BTRC: variants seen among roughly 807,000 people sequenced by gnomAD.
The protein encoded by BTRC is beta-transducin repeat containing E3 ubiquitin protein ligase.
BTRC carries 42 observed loss-of-function variants against 85.5 expected under a neutral mutation model. The observed-to-expected ratio is 0.49, with a 90% confidence interval of 0.38 to 0.64. The LOEUF (loss-of-function observed/expected upper bound fraction) is 0.64. Ranked by LOEUF, BTRC falls within the 30% of genes least tolerant of loss-of-function variation. The pLI, the probability that BTRC is intolerant of heterozygous loss-of-function variation, is 0.00. For missense variants in BTRC, 594 were observed against 743.5 expected, an observed-to-expected ratio of 0.80 and a Z score of 2.34; for synonymous variants, 255 against 263.3, an observed-to-expected ratio of 0.97 and a Z score of 0.30.
intron 1 of BTRC, among the ~76,000 whole-genome samples, chr10:101,424,310 A>G (rs112173179): frequency 1.3e-5 from 2 of 152,204 alleles, no homozygotes; most frequent in African/African-American, 2.4e-5. Context: ...TGATTATCCT[A>G]TCTGACAGGT....
chr10:101,494,461 G>A (rs953450847), intron 4 of BTRC, among the ~76,000 whole-genome samples: 5 of 152,138 alleles, frequency 3.3e-5, no homozygotes, highest in African/African-American at 9.7e-5. Flanking sequence ...AAGTTGATAG[G>A]AAATGTTTGC....
intron 3 of BTRC, among the ~76,000 whole-genome samples, chr10:101,475,241 C>G (rs555387088): frequency 9.4e-4 from 143 of 152,202 alleles, no homozygotes; most frequent in Non-Finnish European, 1.9e-3. Flanking sequence ...AAGGTTTAGC[C>G]TGTTTAAAAG....
chr10:101,537,405 G>GT (rs1295549251), intron 12 of BTRC, among the ~76,000 whole-genome samples: 1 of 152,182 alleles, frequency 6.6e-6, no homozygotes, highest in Non-Finnish European at 1.5e-5. Context: ...GCGGGCGCCT[G>GT]TAATCCCAGC....
chr10:101,380,791 T>A (rs1463116654), intron 1 of BTRC, among the ~76,000 whole-genome samples: 1 of 152,216 alleles, frequency 6.6e-6, no homozygotes, highest in Non-Finnish European at 1.5e-5. Flanking sequence ...TGCTTAACAA[T>A]ATGTGATACA....
At chr10:101,510,971 C>G (rs779854367) in intron 4 of BTRC, among the ~76,000 whole-genome samples, 9 of 152,150 alleles carry the variant, frequency 5.9e-5, no homozygotes, top group Non-Finnish European at 1.3e-4. Context: ...GCAACTTGCT[C>G]TTATTATCCC....
At chr10:101,484,012 T>C (rs1343838235) in intron 4 of BTRC, among the ~76,000 whole-genome samples, 2 of 152,234 alleles carry the variant, frequency 1.3e-5, no homozygotes, top group East Asian at 3.8e-4. Context: ...CACAAATACA[T>C]GCAGTTAAAA....
intron 1 of BTRC, among the ~76,000 whole-genome samples, chr10:101,407,403 G>A (rs898587125): frequency 1.3e-5 from 2 of 152,136 alleles, no homozygotes; most frequent in African/African-American, 4.8e-5. Context: ...TTAACACACC[G>A]TAATTTTTTA....
intron 1 of BTRC, among the ~76,000 whole-genome samples, chr10:101,366,780 A>T (rs12219114): frequency 2.9e-5 from 3 of 103,290 alleles, no homozygotes; most frequent in Non-Finnish European, 3.8e-5. Context: ...ATATATATAT[A>T]TATATATATT....
chr10:101,396,909 TCTC>T (rs1943378863), intron 1 of BTRC, among the ~76,000 whole-genome samples: 1 of 151,894 alleles, frequency 6.6e-6, no homozygotes, highest in East Asian at 1.9e-4. Context: ...TTCAAGCAAT[TCTC>T]CTGCCTCAGC....
At chr10:101,375,984 C>G (rs1942781279) in intron 1 of BTRC, among the ~76,000 whole-genome samples, 1 of 152,120 alleles carries the variant, frequency 6.6e-6, no homozygotes, top group African/African-American at 2.4e-5. Context: ...AAGGTGAGGC[C>G]TTGTACTTGG....
intron 4 of BTRC, among the ~76,000 whole-genome samples, chr10:101,491,628 C>T (rs1946135715): frequency 6.6e-6 from 1 of 151,496 alleles, no homozygotes; most frequent in Admixed American, 6.6e-5. Flanking sequence ...ACCCAGGAGG[C>T]GGAGGTTGCA....
At chr10:101,515,565 G>T (rs1175128169) in intron 4 of BTRC, among the ~76,000 whole-genome samples, 1 of 150,096 alleles carries the variant, frequency 6.7e-6, no homozygotes, top group Non-Finnish European at 1.5e-5. Flanking sequence ...AGGCTAGAGT[G>T]CAGTGGCGTG....
chr10:101,473,307 T>C (rs939135039), intron 3 of BTRC, among the ~76,000 whole-genome samples: 2 of 151,722 alleles, frequency 1.3e-5, no homozygotes, highest in Admixed American at 6.6e-5. Flanking sequence ...TTTTTTGAGA[T>C]AGGGTCTCAC....
chr10:101,488,010 C>T (rs192153141), intron 4 of BTRC, among the ~76,000 whole-genome samples: 61 of 152,228 alleles, frequency 4.0e-4, no homozygotes, highest in African/African-American at 1.4e-3. Context: ...GTAATTCTAT[C>T]AGGAGTCATT....
At chr10:101,498,192 C>T (rs906748714) in intron 4 of BTRC, among the ~76,000 whole-genome samples, 4 of 151,970 alleles carry the variant, frequency 2.6e-5, no homozygotes, top group African/African-American at 7.2e-5. Context: ...CTCATCCTGT[C>T]GCCCAGGCTG....
rs1377795436 is a variant in BTRC at position 101,533,033 on chromosome 10, A to G, written c.1060A>G (p.Arg354Gly). The G allele has an allele frequency of 6.2e-7, 1 of 1,613,386 alleles. No individual in the cohort carries two copies. Among genetic ancestry groups the G allele is most frequent in the African/African-American group, 1.3e-5 (1 of 74,952 alleles). ...GSVLCLQYDE[R>G]VIITGSSDST... ...AGTCCTCTGTCTCCAGTATGATGAG[A>G]GAGTGATCATAACAGGATCATCGGA... is the stretch of plus-strand genomic sequence containing the variant. The change falls in exon 9 of 15, where the codon AGA (arginine) becomes GGA (glycine). Residue 354 changes from arginine (R) to glycine (G), a missense_variant. Arg to Gly is a moderately radical substitution (Grantham distance 125, BLOSUM62 -2). Around this residue, in one of 4 missense-constraint regions of BTRC, gnomAD observed 373 missense variants for 503.6 expected, o/e 0.74. Transcript: ENST00000370187.
chr10:101,434,895 A>G (rs567746747), intron 2 of BTRC, among the ~76,000 whole-genome samples: 1 of 151,918 alleles, frequency 6.6e-6, no homozygotes, highest in Admixed American at 6.6e-5. Context: ...TCGGCCTCCT[A>G]AAGTCCTGGG....
At chr10:101,530,092 G>C (rs2062257610) in intron 6 of BTRC, among the ~76,000 whole-genome samples, 1 of 152,050 alleles carries the variant, frequency 6.6e-6, no homozygotes, top group Non-Finnish European at 1.5e-5. Flanking sequence ...GATCTAGCTT[G>C]GGATACGAGT....
At chr10:101,356,762 T>A (rs1457191624) in intron 1 of BTRC, among the ~76,000 whole-genome samples, 10 of 152,184 alleles carry the variant, frequency 6.6e-5, no homozygotes, top group Non-Finnish European at 1.0e-4. Flanking sequence ...GTCTTATGAA[T>A]CTGAGTAAGT....
Sources: allele counts gnomAD v4.1 joint callset (sites outside exome capture counted in the v4.1 genomes callset), GRCh38; gene constraint gnomAD v4.1.1; regional missense constraint gnomAD v4.1.1; transcripts MANE v1.5; gene names NCBI Gene and HGNC (gene_info 2026-07-23, HGNC 2026-07-21).